RABGAP1L: variants seen among roughly 807,000 people sequenced by gnomAD.
RABGAP1L encodes the protein RAB GTPase activating protein 1 like, also known as rab GTPase-activating protein 1-like.
A neutral mutation model predicts 137.7 loss-of-function variants in RABGAP1L; 63 were observed. That is an observed-to-expected ratio of 0.46 (90% CI 0.37 to 0.56). The LOEUF (loss-of-function observed/expected upper bound fraction) is 0.56, where lower values mean the gene tolerates loss of function less well. Ranked by LOEUF, RABGAP1L falls within the 20% of genes least tolerant of loss-of-function variation. RABGAP1L has a pLI of 0.00. For synonymous variants in RABGAP1L, 431 were observed against 433.7 expected, an observed-to-expected ratio of 0.99 and a Z score of 0.08; for missense variants, 1,095 against 1,244.0, an observed-to-expected ratio of 0.88 and a Z score of 1.80.
Position 174,207,277 on chromosome 1 carries a change from G to A in RABGAP1L, c.-33-11848G>A, listed in dbSNP as rs190618303. ...TACACTGCTCTGTAGTACATGCTGC[G>A]TTGAAATGGATGTATTAGTCTGAAG... On this transcript the variant is annotated intron_variant, in intron 1 of 25. Transcript: ENST00000681986. Among the ~76,000 whole-genome samples, 59 of 152,236 alleles carry A rather than the reference G, an allele frequency of 3.9e-4. 1 individual carries two copies. The South Asian group carries it at 4.4e-3, about 11-fold the overall frequency.
At chr1:174,259,466 T>C (rs951811802) in intron 7 of RABGAP1L, among the ~76,000 whole-genome samples, 5 of 152,260 alleles carry the variant, frequency 3.3e-5, no homozygotes, top group African/African-American at 9.6e-5. Context: ...CATCTAGTAC[T>C]AGAACACATA....
intron 7 of RABGAP1L, among the ~76,000 whole-genome samples, chr1:174,262,470 T>G (rs905960725): frequency 7.9e-5 from 12 of 152,212 alleles, no homozygotes; most frequent in Non-Finnish European, 1.5e-4. Flanking sequence ...CAGTTTGAAG[T>G]AATTGTAGAT....
chr1:174,535,465 G>A (rs1329621152), intron 13 of RABGAP1L, among the ~76,000 whole-genome samples: 1 of 152,160 alleles, frequency 6.6e-6, no homozygotes, highest in Non-Finnish European at 1.5e-5. Context: ...GCCAGGGGAA[G>A]TCTATTTTCA....
At chr1:174,533,550 T>G (rs1172062759) in intron 13 of RABGAP1L, among the ~76,000 whole-genome samples, 1 of 152,228 alleles carries the variant, frequency 6.6e-6, no homozygotes, top group African/African-American at 2.4e-5. Context: ...CCACTTCTAT[T>G]TAATAAATAG....
At chr1:174,516,881 C>T (rs1003977801) in intron 13 of RABGAP1L, among the ~76,000 whole-genome samples, 6 of 151,058 alleles carry the variant, frequency 4.0e-5, no homozygotes, top group Admixed American at 2.0e-4. Flanking sequence ...GAGTTGAGAT[C>T]GTGCCACTGT....
At chr1:174,596,670 A>G (rs1344014075) in intron 13 of RABGAP1L, among the ~76,000 whole-genome samples, 1 of 152,134 alleles carries the variant, frequency 6.6e-6, no homozygotes, top group Non-Finnish European at 1.5e-5. Context: ...AAGAAGGATA[A>G]TTTGACTTCT....
intron 14 of RABGAP1L, among the ~76,000 whole-genome samples, chr1:174,642,081 A>G (rs985256826): frequency 6.6e-6 from 1 of 152,164 alleles, no homozygotes; most frequent in African/African-American, 2.4e-5. Flanking sequence ...ATTCAGAACA[A>G]TATGATTTAA....
At chr1:174,779,964 G>A (rs1686825736) in intron 18 of RABGAP1L, among the ~76,000 whole-genome samples, 1 of 152,048 alleles carries the variant, frequency 6.6e-6, no homozygotes, top group South Asian at 2.1e-4. Context: ...TACTTGGGAG[G>A]CTGAGGCAGG....
intron 17 of RABGAP1L, among the ~76,000 whole-genome samples, chr1:174,741,209 A>T (rs1683379984): frequency 6.6e-6 from 1 of 152,086 alleles, no homozygotes; most frequent in Non-Finnish European, 1.5e-5. Context: ...TTTCTATAGT[A>T]TCAGGTTTTA....
rs570454142 is a variant in RABGAP1L at position 174,443,481 on chromosome 1, G to A, written c.1710+49336G>A. 2.1e-3 allele frequency among the ~76,000 whole-genome samples: 313 copies of A among 152,184 alleles called. 1 individual carries two copies. Among genetic ancestry groups the A allele is most frequent in the Non-Finnish European group, 3.2e-3 (218 of 67,944 alleles). ...GATTTGCATTTGCCAGAGGCAAAAT[G>A]AGTAATTTTTCATATAACTCTTGGC... On this transcript the variant is annotated intron_variant, in intron 13 of 25. Transcript: ENST00000681986.
chr1:174,650,064 AG>A (rs1675331184), intron 14 of RABGAP1L, among the ~76,000 whole-genome samples: 2 of 152,138 alleles, frequency 1.3e-5, no homozygotes, highest in Admixed American at 1.3e-4. Context: ...ATTTTGTCAA[AG>A]GCCTTTTCTG....
intron 11 of RABGAP1L, among the ~76,000 whole-genome samples, chr1:174,359,505 A>G (rs1020899331): frequency 3.3e-5 from 5 of 152,082 alleles, no homozygotes; most frequent in African/African-American, 1.2e-4. Context: ...AAGTCTCTCA[A>G]TTAAATCTTG....
At position 174,822,029 on chromosome 1, in the gene RABGAP1L, G is replaced by A. The variant is rs1197646397; in HGVS notation, c.2340+10069G>A. ...TGTAATCCCAGCCCTTTGGGAGGCC[G>A]AGGCGGGTGGATCACGAGGTCAGGA... On this transcript the variant is annotated intron_variant, in intron 19 of 25. Coordinates refer to ENST00000681986, the MANE Select transcript of RABGAP1L (RefSeq NM_001366446.1). Among the ~76,000 whole-genome samples, 5 of 152,210 alleles carry A rather than the reference G, an allele frequency of 3.3e-5. 1 individual carries two copies. In the South Asian group the frequency reaches 8.3e-4, roughly 25 times the overall value.
At chr1:174,716,830 A>G (rs1681057174) in intron 17 of RABGAP1L, among the ~76,000 whole-genome samples, 1 of 152,098 alleles carries the variant, frequency 6.6e-6, no homozygotes, top group Non-Finnish European at 1.5e-5. Context: ...GACCTATTGG[A>G]TTTCAGCTTG....
At chr1:174,545,525 G>A (rs1489518181) in intron 13 of RABGAP1L, 9 of 141,020 alleles carry the variant, frequency 6.4e-5, no homozygotes, top group Non-Finnish European at 1.2e-4. Context: ...GGCTAGGAAA[G>A]GGAATTCCCC....
At chr1:174,822,398 G>A (rs886648175) in intron 19 of RABGAP1L, among the ~76,000 whole-genome samples, 2 of 152,218 alleles carry the variant, frequency 1.3e-5, no homozygotes, top group African/African-American at 4.8e-5. Context: ...TATTCCCAGT[G>A]AGCAGGGAAC....
intron 3 of RABGAP1L, among the ~76,000 whole-genome samples, chr1:174,223,442 CAAAA>C (rs370743713): frequency 3.4e-4 from 18 of 53,326 alleles, no homozygotes; most frequent in African/African-American, 1.2e-3. Context: ...GACTCCATCT[CAAAA>C]AAAAAAAAAA....
chr1:174,517,656 A>G (rs567068867), intron 13 of RABGAP1L, among the ~76,000 whole-genome samples: 3 of 152,328 alleles, frequency 2.0e-5, no homozygotes, highest in African/African-American at 7.2e-5. Flanking sequence ...CTATTTGATT[A>G]TAGTAGACTC....
At chr1:174,492,347 ATTTTT>A (rs1273015833) in intron 13 of RABGAP1L, among the ~76,000 whole-genome samples, 2 of 124,034 alleles carry the variant, frequency 1.6e-5, no homozygotes, top group Non-Finnish European at 1.7e-5. Flanking sequence ...CGCCTGACTA[ATTTTT>A]TTTTTTTTTT....
Sources: allele counts gnomAD v4.1 joint callset (sites outside exome capture counted in the v4.1 genomes callset), GRCh38; gene constraint gnomAD v4.1.1; transcripts MANE v1.5; gene names NCBI Gene and HGNC (gene_info 2026-07-23, HGNC 2026-07-21).